The following TENM1 variants were observed in gnomAD, a reference collection of about 807,000 sequenced individuals.
The protein encoded by TENM1 is teneurin-1.
TENM1 carries 35 observed loss-of-function variants against 174.8 expected under a neutral mutation model. That is an observed-to-expected ratio of 0.20 (90% confidence interval 0.15 to 0.27). The LOEUF is 0.27. Ranked by LOEUF, TENM1 falls within the 10% of genes least tolerant of loss-of-function variation. The pLI is 1.00. For missense variants in TENM1, 1,633 were observed against 2,130.1 expected (o/e 0.77, Z 4.59); for synonymous variants, 781 against 798.7 (o/e 0.98, Z 0.37).
chrX:124,674,648 G>A (rs1160699594), intron 5 of TENM1, among the ~76,000 whole-genome samples: 1 of 111,617 alleles, frequency 9.0e-6, no homozygotes, highest in East Asian at 2.8e-4. Context: ...TAGTGGTTCT[G>A]AGTAAGGTAT....
intron 25 of TENM1, among the ~76,000 whole-genome samples, chrX:124,410,454 G>C (rs1161825655): frequency 8.9e-6 from 1 of 111,881 alleles, no homozygotes; most frequent in Non-Finnish European, 1.9e-5. Flanking sequence ...TCAGGACATA[G>C]GCATGAGCAA....
the TENM1 span, among the ~76,000 whole-genome samples, chrX:125,192,980 T>C: frequency 9.0e-6 from 1 of 111,302 alleles, no homozygotes; most frequent in Non-Finnish European, 1.9e-5. Flanking sequence ...TTTTCAGTTA[T>C]TTTTTTTCCA....
chrX:124,886,025 C>A (rs1312897878), intron 3 of TENM1, among the ~76,000 whole-genome samples: 1 of 111,741 alleles, frequency 8.9e-6, no homozygotes, highest in Non-Finnish European at 1.9e-5. Context: ...TGAGCCCATT[C>A]CCAAACCAGA....
the TENM1 span, among the ~76,000 whole-genome samples, chrX:125,094,674 T>C: frequency 8.9e-6 from 1 of 112,111 alleles, no homozygotes; most frequent in African/African-American, 3.2e-5. Flanking sequence ...TTGAGATATG[T>C]TTTGGGTTCT....
intron 9 of TENM1, among the ~76,000 whole-genome samples, chrX:124,646,416 T>C (rs1017696724): frequency 2.7e-5 from 3 of 112,621 alleles, no homozygotes; most frequent in Non-Finnish European, 5.6e-5. Flanking sequence ...TAGGTAACCC[T>C]GGTTAAGTCA....
chrX:124,577,155 C>T (rs2858418), intron 11 of TENM1, among the ~76,000 whole-genome samples: 32,251 of 110,866 alleles, frequency 0.29, 3,612 homozygotes, highest in South Asian at 0.41. Context: ...CTAACTCTAA[C>T]TGGAGTCCAC....
chrX:125,034,140 CTCCCTAGGCAATGTA>C, the TENM1 span, among the ~76,000 whole-genome samples: 1 of 111,370 alleles, frequency 9.0e-6, no homozygotes, highest in Non-Finnish European at 1.9e-5. Flanking sequence ...GAGCTCTTGA[CTCCCTAGGCAATGTA>C]TTACTCAGGA....
chrX:124,733,016 T>A (rs1027630590), intron 4 of TENM1, among the ~76,000 whole-genome samples: 3 of 111,674 alleles, frequency 2.7e-5, no homozygotes, highest in African/African-American at 9.8e-5. Flanking sequence ...GAGAGGCTAA[T>A]AAGAACCCAC....
chrX:125,162,934 C>G, the TENM1 span, among the ~76,000 whole-genome samples: 1 of 111,192 alleles, frequency 9.0e-6, no homozygotes, highest in Non-Finnish European at 1.9e-5. Context: ...TAATAGCACC[C>G]ACACTCTCAG....
At chrX:124,786,650 A>G (rs1033643959) in intron 3 of TENM1, among the ~76,000 whole-genome samples, 2 of 112,327 alleles carry the variant, frequency 1.8e-5, no homozygotes, top group Admixed American at 9.5e-5. Context: ...CAATTGTCAC[A>G]AAGCAGGTTT....
At chrX:124,409,804 A>C (rs1222442896) in intron 25 of TENM1, among the ~76,000 whole-genome samples, 24 of 108,912 alleles carry the variant, frequency 2.2e-4, no homozygotes, top group African/African-American at 7.7e-4. Context: ...TAGGAATCCA[A>C]CTTACAAGGG....
chrX:124,966,578 C>T (rs947668600), upstream of TENM1, among the ~76,000 whole-genome samples: 79 of 105,629 alleles, frequency 7.5e-4, 1 homozygote, highest in Non-Finnish European at 1.3e-3. Context: ...AGGAGAATGG[C>T]GTGAACCTGG....
chrX:124,834,408 A>G (rs1367288592), intron 3 of TENM1, among the ~76,000 whole-genome samples: 1 of 111,924 alleles, frequency 8.9e-6, no homozygotes, highest in Non-Finnish European at 1.9e-5. Context: ...CTGAGCTCAA[A>G]GTGATCCACC....
At chrX:125,048,165 C>T in the TENM1 span, among the ~76,000 whole-genome samples, 1 of 110,679 alleles carries the variant, frequency 9.0e-6, no homozygotes, top group East Asian at 2.8e-4. Flanking sequence ...TAGGTAATTC[C>T]AGAAACAGGG....
chrX:124,637,805 T>C (rs940904577), intron 11 of TENM1, among the ~76,000 whole-genome samples: 2 of 112,282 alleles, frequency 1.8e-5, no homozygotes, highest in East Asian at 2.8e-4. Context: ...CAACTATAGA[T>C]GTTTCATCCT....
the TENM1 span, among the ~76,000 whole-genome samples, chrX:125,133,303 T>C: frequency 2.7e-5 from 3 of 112,006 alleles, no homozygotes; most frequent in African/African-American, 6.5e-5. Flanking sequence ...TGTCCGGCCT[T>C]CTTACTCCTT....
intron 6 of TENM1, among the ~76,000 whole-genome samples, chrX:124,655,505 C>T (rs1244340117): frequency 9.0e-6 from 1 of 111,633 alleles, no homozygotes; most frequent in African/African-American, 3.3e-5. Context: ...CCATCAACTC[C>T]TTCTCCAGAC....
At chrX:124,469,213 A>G (rs190396021) in intron 22 of TENM1, among the ~76,000 whole-genome samples, 128 of 112,575 alleles carry the variant, frequency 1.1e-3, no homozygotes, top group African/African-American at 4.0e-3. Flanking sequence ...AACAATTTTG[A>G]AAACAAAATG....
chrX:124,548,588 A>G (rs1048614400), intron 14 of TENM1, among the ~76,000 whole-genome samples: 1 of 112,160 alleles, frequency 8.9e-6, no homozygotes, highest in Non-Finnish European at 1.9e-5. Context: ...TCCTTAAAGA[A>G]GGCAAGTGGC....
Sources: gnomAD v4.1 joint callset for allele counts (sites outside exome capture counted in the v4.1 genomes callset) on GRCh38, gnomAD v4.1.1 for gene constraint, MANE v1.5 for transcripts, NCBI Gene and HGNC (gene_info 2026-07-23, HGNC 2026-07-21) for gene names.